The following NOL9 variants were observed in gnomAD, a reference collection of about 807,000 sequenced individuals.
The protein encoded by NOL9 is polynucleotide 5'-hydroxyl-kinase NOL9.
Under a neutral mutation model 67.9 loss-of-function variants are expected in NOL9, and 28 were observed. The ratio of observed to expected loss-of-function variants is 0.41; its 90% CI spans 0.31 to 0.57. The LOEUF (loss-of-function observed/expected upper bound fraction) is 0.57, where lower values mean the gene tolerates loss of function less well. NOL9 is among the 20% of genes least tolerant of loss of function. NOL9 has a pLI of 0.25. For synonymous variants in NOL9, 356 were observed against 352.2 expected (o/e 1.01, Z -0.12); for missense variants, 777 against 897.0 (o/e 0.87, Z 1.71).
At chr1:6,526,332 T>C (rs1207682021) in intron 11 of NOL9, among the ~76,000 whole-genome samples, 1 of 152,090 alleles carries the variant, frequency 6.6e-6, no homozygotes, top group Non-Finnish European at 1.5e-5. Context: ...CCACTCGCAG[T>C]CCCTGTGGCT....
chr1:6,549,832 G>C (rs992798226), intron 2 of NOL9, 134 bp from the exon 3 acceptor site: 26 of 1,025,750 alleles, frequency 2.5e-5, no homozygotes, highest in Non-Finnish European at 3.7e-5. Context: ...TTTTTCAGGG[G>C]GCCGTACTAC....
At chr1:6,545,219 A>G (rs1026719475) in intron 3 of NOL9, 39 bp from the exon 4 acceptor site, 4 of 1,584,496 alleles carry the variant, frequency 2.5e-6, no homozygotes, top group Middle Eastern at 1.7e-4. Flanking sequence ...GAAAAAATGC[A>G]TATTTTTTTC....
At chr1:6,540,124 C>CTTTTTTTTTTTT (rs770304509) in intron 6 of NOL9, among the ~76,000 whole-genome samples, 1 of 104,382 alleles carries the variant, frequency 9.6e-6, no homozygotes, top group Non-Finnish European at 1.8e-5. Context: ...GAGAGTTATT[C>CTTTTTTTTTTTT]TTTTTTTTTT....
At chr1:6,552,788 TTC>T (rs1321828008) in intron 1 of NOL9, among the ~76,000 whole-genome samples, 5 of 152,096 alleles carry the variant, frequency 3.3e-5, no homozygotes, top group Admixed American at 2.6e-4. Context: ...TCCTTTTCCT[TTC>T]TTTCTTTTCC....
Position 6,545,078 on chromosome 1 carries a change from A to C in NOL9, c.847T>G (p.Ser283Ala). 2 of 1,614,188 alleles carry C rather than the reference A, an allele frequency of 1.2e-6. No homozygotes were observed. The highest frequency in any genetic ancestry group is 2.7e-5 in the African/African-American group (2 of 75,048). ...KGLQLTESTL[S>A]ALEELVNVSC... ...ACATTGACTAACTCTTCCAGGGCTG[A>C]AAGGGTACTCTCAGTTAACTGAAGG... The change falls in exon 4 of 12, where the codon TCA becomes GCA. Residue 283 changes from serine to alanine, a missense_variant. Coordinates refer to ENST00000377705, the MANE Select transcript of NOL9 (RefSeq NM_024654.5).
At chr1:6,549,531 G>T in intron 3 of NOL9, 40 bp downstream of exon 3, 2 of 1,607,046 alleles carry the variant, frequency 1.2e-6, no homozygotes, top group Non-Finnish European at 1.7e-6. Context: ...CTGTTTTGGT[G>T]CAAGTAATTA....
At chr1:6,533,255 T>C (rs113132768) in intron 7 of NOL9, 25 bp downstream of exon 7, 12 of 1,553,976 alleles carry the variant, frequency 7.7e-6, no homozygotes, top group African/African-American at 5.5e-5. Flanking sequence ...GTCCTTCCCT[T>C]GCAGATGTGC....
chr1:6,532,627 G>A lies in NOL9; in HGVS notation c.1371C>T (p.Tyr457=). The A allele has an allele frequency of 6.2e-7, 1 of 1,614,148 alleles. No individual in the cohort carries two copies. Among genetic ancestry groups the A allele is most frequent in the Non-Finnish European group, 8.5e-7 (1 of 1,180,036 alleles). The change falls in exon 8 of 12, where the codon TAC becomes TAT. Residue 457 remains tyrosine (Y), a synonymous_variant. Coordinates refer to ENST00000377705, the MANE Select transcript of NOL9 (RefSeq NM_024654.5). ...PQYVDDMDGL[Y]TKSKTKMRNR... ...TTCTCATCTTGGTCTTGCTTTTTGT[G>A]TACAAGCCATCCATGTCATCTACAT... is the stretch of plus-strand genomic sequence containing the variant.
intron 6 of NOL9, among the ~76,000 whole-genome samples, chr1:6,539,544 G>A (rs1187863619): frequency 6.6e-6 from 1 of 152,162 alleles, no homozygotes; most frequent in African/African-American, 2.4e-5. Context: ...GAGTGTAATG[G>A]TGCAATTTCA....
At position 6,554,137 on chromosome 1, in the gene NOL9, G is replaced by A; in HGVS notation, c.366C>T (p.Gly122=). 6.5e-7 allele frequency: 1 copy of A among 1,530,860 alleles called. No individual in the cohort carries two copies. Among genetic ancestry groups the A allele is most frequent in the African/African-American group, 1.4e-5 (1 of 70,560 alleles). 94.8% of individuals were successfully genotyped at this position (1,530,860 alleles called of 1,614,324 possible). ...LIPPVRPVGP[G]RALLLLPVEQ... The stretch of plus-strand genomic sequence containing the variant: ...CGACCGGCAGCAGCAGCAACGCGCG[G>A]CCGGGGCCCACGGGCCGCACCGGTG... Residue 122 remains glycine (G), a synonymous_variant, in exon 1 of 12, where the codon GGC becomes GGT. Coordinates refer to ENST00000377705, the MANE Select transcript of NOL9 (RefSeq NM_024654.5).
chr1:6,547,301 CATCTCAAGGTT>C (rs1639440051), intron 3 of NOL9, among the ~76,000 whole-genome samples: 4 of 152,108 alleles, frequency 2.6e-5, no homozygotes, highest in Non-Finnish European at 5.9e-5. Flanking sequence ...GTCTACCAGG[CATCTCAAGGTT>C]AACAAATGGA....
At chr1:6,547,180 C>A (rs1639437669) in intron 3 of NOL9, among the ~76,000 whole-genome samples, 1 of 152,212 alleles carries the variant, frequency 6.6e-6, no homozygotes, top group Admixed American at 6.5e-5. Flanking sequence ...ATTATCGCAT[C>A]TGGTGGCCTG....
intron 3 of NOL9, among the ~76,000 whole-genome samples, chr1:6,545,971 A>G (rs541403732): frequency 5.4e-5 from 8 of 149,524 alleles, no homozygotes; most frequent in African/African-American, 1.7e-4. Context: ...GAGGCTTCCT[A>G]TCGGCAATGC....
At position 6,554,160 on chromosome 1, in the gene NOL9, G is replaced by A. The variant is rs1639612883; in HGVS notation, c.343C>T (p.Pro115Ser). ...CGGCCGGGGCCCACGGGCCGCACCG[G>A]TGGGATGAGGAGAGGCCGGTGGCAA... is the stretch of plus-strand genomic sequence containing the variant. ...SSCHRPLLIPPVRPVGPGRAL... is the reference protein window; with the variant it reads ...SSCHRPLLIPSVRPVGPGRAL... Residue 115 changes from proline to serine, a missense_variant, in exon 1 of 12, where the codon CCG (proline) becomes TCG (serine). Around this residue, in one of 2 missense-constraint regions of NOL9, gnomAD observed 364 missense variants for 344.4 expected, o/e 1.06. Coordinates refer to ENST00000377705, the MANE Select transcript of NOL9 (RefSeq NM_024654.5). 2 of 1,530,624 alleles carry A rather than the reference G, an allele frequency of 1.3e-6. No homozygotes were observed. The highest frequency in any genetic ancestry group is 1.8e-6 in the Non-Finnish European group (2 of 1,138,354). 94.8% of individuals were successfully genotyped at this position (1,530,624 alleles called of 1,614,324 possible).
Position 6,526,783 on chromosome 1 carries a change from G to A in NOL9, c.1872C>T (p.Leu624=). 5.0e-6 allele frequency: 8 copies of A among 1,613,814 alleles called. No homozygotes were observed. Among genetic ancestry groups the A allele is most frequent in the South Asian group, 2.2e-5 (2 of 91,030 alleles). The change falls in exon 11 of 12, where the codon CTC becomes CTT. Residue 624 remains leucine, a synonymous_variant. Coordinates refer to ENST00000377705, the MANE Select transcript of NOL9 (RefSeq NM_024654.5). ...TTAGCTCTTCCGGGGGCACAGGGGT[G>A]AGGATGTGGTACAGCCGCTTCTCCA... The part of the protein sequence containing the change: ...IDMEKRLYHI[L]TPVPPEELRT...
In NOL9 at chr1:6,544,557, CCCCA is replaced by C. The variant is rs751970085; in HGVS notation, c.977+265_977+268del. On this transcript the variant is annotated intron_variant, in intron 5 of 11. Transcript: ENST00000377705. ...CGCACACACGCACCCCCCCCCCGCC[CCCCA>C]CCCCAGAACTTATAAATACAGACTC... 2.7e-4 allele frequency among the ~76,000 whole-genome samples: 36 copies of C among 133,350 alleles called. 1 individual carries two copies. Among genetic ancestry groups the C allele is most frequent in the Non-Finnish European group, 1.9e-4 (12 of 62,552 alleles). The allele number at this position is 133,350 out of a possible 152,430, so 87.5% of individuals were successfully genotyped here.
intron 1 of NOL9, among the ~76,000 whole-genome samples, chr1:6,553,657 T>C (rs1233073433): frequency 6.6e-6 from 1 of 151,774 alleles, no homozygotes; most frequent in African/African-American, 2.4e-5. Flanking sequence ...CTGGCTAACA[T>C]GGCGAAACCC....
chr1:6,548,688 TAAAAG>T (rs1023232928), intron 3 of NOL9: 3 of 188,036 alleles, frequency 1.6e-5, no homozygotes, highest in Non-Finnish European at 3.4e-5. Context: ...AGGAAAGAGA[TAAAAG>T]AAAATATAAG....
intron 2 of NOL9, among the ~76,000 whole-genome samples, chr1:6,550,053 A>G (rs556034599): frequency 1.3e-5 from 2 of 151,134 alleles, no homozygotes; most frequent in Non-Finnish European, 2.9e-5. Context: ...TTTTTTTGAG[A>G]TGGGGTCTCG....
Sources: gnomAD v4.1 joint callset for allele counts (sites outside exome capture counted in the v4.1 genomes callset) on GRCh38, gnomAD v4.1.1 for gene constraint, gnomAD v4.1.1 regional missense constraint, MANE v1.5 for transcripts, NCBI Gene and HGNC (gene_info 2026-07-23, HGNC 2026-07-21) for gene names.